The following WNT9B variants were observed in gnomAD, a reference collection of about 807,000 sequenced individuals.
WNT9B encodes the protein protein Wnt-9b.
WNT9B carries 12 observed loss-of-function variants against 30.2 expected under a neutral mutation model. That is an observed-to-expected ratio of 0.40 (90% CI 0.26 to 0.64). The LOEUF is 0.64. Ranked by LOEUF, WNT9B falls within the 30% of genes least tolerant of loss-of-function variation. WNT9B has a pLI of 0.42. For missense variants in WNT9B, 442 were observed against 485.2 expected (o/e 0.91, Z 0.84); for synonymous variants, 218 against 216.9 (o/e 1.01, Z -0.05).
chr17:46,878,568 T>G lies in WNT9B; in HGVS notation c.*1850T>G, dbSNP rs966005747. Among the ~76,000 whole-genome samples, 6 of 152,088 alleles carry G rather than the reference T, an allele frequency of 3.9e-5. No individual in the cohort carries two copies. The highest frequency in any genetic ancestry group is 1.5e-5 in the Non-Finnish European group (1 of 68,008). On this transcript the variant is annotated 3_prime_UTR_variant, in exon 4 of 4. Transcript: ENST00000290015. ...AGCAGGAGAAAAATGGGGAGAGGGC[T>G]GGTTTTCTCCTTTCTTCCACTTCCC...
intron 1 of WNT9B, among the ~76,000 whole-genome samples, chr17:46,863,874 C>T (rs1168187555): frequency 1.3e-5 from 2 of 152,090 alleles, no homozygotes; most frequent in African/African-American, 4.8e-5. Flanking sequence ...CAGGGGGTGT[C>T]CTGGACTACT....
chr17:46,852,389 A>AGTGTGT (rs61138160), intron 1 of WNT9B, among the ~76,000 whole-genome samples: 1,389 of 105,340 alleles, frequency 0.013, 18 homozygotes, highest in Middle Eastern at 0.029. Flanking sequence ...GAGAGGGCCC[A>AGTGTGT]GTGTGTGTGT....
chr17:46,845,628 C>T (rs1197379588), intron 1 of WNT9B, among the ~76,000 whole-genome samples: 1 of 150,910 alleles, frequency 6.6e-6, no homozygotes, highest in Non-Finnish European at 1.5e-5. Flanking sequence ...TAGCTGGGGA[C>T]TACAGGTGCC....
Position 46,877,059 on chromosome 17 carries a change from T to C in WNT9B, c.*341T>C. The C allele has an allele frequency of 9.0e-7, 1 of 1,111,886 alleles. No homozygotes were observed. The highest frequency in any genetic ancestry group is 1.6e-5 in the African/African-American group (1 of 61,804). The allele number at this position is 1,111,886 out of a possible 1,614,324, so 68.9% of individuals were successfully genotyped here. On this transcript the variant is annotated 3_prime_UTR_variant, in exon 4 of 4. Transcript: ENST00000290015. ...TGGACGGGAGAGAGGGGCTATTCCATCTTGCTTCCTGGGATGAATGGCTTG... is the reference window on the plus strand; with the variant it reads ...TGGACGGGAGAGAGGGGCTATTCCACCTTGCTTCCTGGGATGAATGGCTTG...
chr17:46,864,388 C>T (rs1191160671), intron 1 of WNT9B, among the ~76,000 whole-genome samples: 2 of 152,210 alleles, frequency 1.3e-5, no homozygotes, highest in Admixed American at 6.5e-5. Context: ...TTTGAACTTC[C>T]CTCTATCTAG....
chr17:46,843,270 C>A (rs1247323591), intron 1 of WNT9B, among the ~76,000 whole-genome samples: 1 of 152,242 alleles, frequency 6.6e-6, no homozygotes. Flanking sequence ...ACTTTTTCAA[C>A]CTCCTCTCAC....
At chr17:46,854,173 A>G (rs1271059149) in intron 1 of WNT9B, among the ~76,000 whole-genome samples, 1 of 152,162 alleles carries the variant, frequency 6.6e-6, no homozygotes, top group Non-Finnish European at 1.5e-5. Flanking sequence ...GTCTCAGGGA[A>G]CAGACAGGAT....
rs571662389 is a variant in WNT9B at position 46,879,153 on chromosome 17, A to G, written c.*2435A>G. Among the ~76,000 whole-genome samples, 161 of 152,358 alleles carry G rather than the reference A, an allele frequency of 1.1e-3. 1 individual carries two copies. The highest frequency in any genetic ancestry group is 2.9e-3 in the South Asian group (14 of 4,832). On this transcript the variant is annotated 3_prime_UTR_variant, in exon 4 of 4. Coordinates refer to ENST00000290015, the MANE Select transcript of WNT9B (RefSeq NM_003396.3). Reference sequence around the variant, plus strand: ...CTAAGATATATGAGAAAGTATTTATATTATTTATATAGTTGCTATATTTCA... The same window carrying G: ...CTAAGATATATGAGAAAGTATTTATGTTATTTATATAGTTGCTATATTTCA...
At chr17:46,873,086 TCACACACACACACACACACA>T (rs61118325) in intron 2 of WNT9B, among the ~76,000 whole-genome samples, 17 of 139,820 alleles carry the variant, frequency 1.2e-4, no homozygotes, top group African/African-American at 3.5e-4. Context: ...CTCTGCCTCT[TCACACACACACACACACACA>T]CACACACACA....
intron 1 of WNT9B, among the ~76,000 whole-genome samples, chr17:46,834,394 GGCGC>G (rs2084598576): frequency 6.6e-6 from 1 of 152,080 alleles, no homozygotes; most frequent in African/African-American, 2.4e-5. Flanking sequence ...TGCTGGGGAG[GGCGC>G]GCATTAGGAG....
chr17:46,859,757 C>T (rs138648372), intron 1 of WNT9B, among the ~76,000 whole-genome samples: 1,714 of 152,238 alleles, frequency 0.011, 16 homozygotes, highest in Admixed American at 0.023. Flanking sequence ...ACTGGGATTG[C>T]ATTGAATCTA....
chr17:46,872,540 C>T lies in WNT9B; in HGVS notation c.101C>T (p.Thr34Met), dbSNP rs770672150. 13 of 1,559,208 alleles carry T rather than the reference C, an allele frequency of 8.3e-6. No homozygotes were observed. The highest frequency in any genetic ancestry group is 8.1e-5 in the African/African-American group (6 of 73,630). The stretch of plus-strand genomic sequence containing the variant: ...AGCCTGACCGGGCGGGAAGTCCTGA[C>T]GCCCTTCCCAGGATTGGGCACTGCG... ...YFGLTGREVL[T>M]PFPGLGTAAA... The change falls in exon 2 of 4, where the codon ACG (threonine) becomes ATG (methionine). Residue 34 changes from threonine (T) to methionine (M), a missense_variant. By Grantham distance (81) the Thr-to-Met change is moderately conservative. Coordinates refer to ENST00000290015, the MANE Select transcript of WNT9B (RefSeq NM_003396.3).
At chr17:46,865,413 G>C (rs148371973) in intron 1 of WNT9B, among the ~76,000 whole-genome samples, 1,723 of 152,262 alleles carry the variant, frequency 0.011, 35 homozygotes, top group African/African-American at 0.04. Context: ...AGTCAGGGAT[G>C]GGTGGGGGAC....
chr17:46,855,815 C>T (rs2084928630), intron 1 of WNT9B, among the ~76,000 whole-genome samples: 1 of 152,128 alleles, frequency 6.6e-6, no homozygotes, highest in Non-Finnish European at 1.5e-5. Flanking sequence ...TCTCCTGCCT[C>T]AGCTTCCCCA....
At position 46,876,510 on chromosome 17, in the gene WNT9B, G is replaced by A. The variant is rs754714809; in HGVS notation, c.866G>A (p.Ser289Asn). 8.1e-6 allele frequency: 13 copies of A among 1,613,538 alleles called. No homozygotes were observed. In the African/African-American group the frequency reaches 1.5e-4, roughly 18 times the overall value. The change falls in exon 4 of 4, where the codon AGC becomes AAC. Residue 289 changes from serine to asparagine, a missense_variant. Transcript: ENST00000290015. ...GDLVYMEDSP[S>N]FCRPSKYSPG... ...CTGGTGTACATGGAGGACTCACCCA[G>A]CTTCTGCCGGCCCAGCAAGTACTCA...
downstream of WNT9B, among the ~76,000 whole-genome samples, chr17:46,884,231 C>T (rs2085461889): frequency 6.6e-6 from 1 of 152,212 alleles, no homozygotes; most frequent in Admixed American, 6.5e-5. Flanking sequence ...GCCCTCCGAG[C>T]CCGGGGTCAC....
chr17:46,839,704 C>T (rs2084676922), intron 1 of WNT9B, among the ~76,000 whole-genome samples: 1 of 152,092 alleles, frequency 6.6e-6, no homozygotes, highest in African/African-American at 2.4e-5. Flanking sequence ...CAAGAGGCCC[C>T]AGTGTGTGAT....
At position 46,877,883 on chromosome 17, in the gene WNT9B, A is replaced by G. The variant is rs1331791529; in HGVS notation, c.*1165A>G. On this transcript the variant is annotated 3_prime_UTR_variant, in exon 4 of 4. Coordinates refer to ENST00000290015, the MANE Select transcript of WNT9B (RefSeq NM_003396.3). Reference sequence around the variant, plus strand: ...GCCTGGCTCCTGGGTAGCCTCCTTCAGTTCCTAATGGCCTCTCACTTGGCC... The same window carrying G: ...GCCTGGCTCCTGGGTAGCCTCCTTCGGTTCCTAATGGCCTCTCACTTGGCC... Among the ~76,000 whole-genome samples the G allele has an allele frequency of 6.6e-6, 1 of 152,162 alleles. No homozygotes were observed. Among genetic ancestry groups the G allele is most frequent in the Non-Finnish European group, 1.5e-5 (1 of 68,032 alleles).
intron 1 of WNT9B, among the ~76,000 whole-genome samples, chr17:46,870,233 C>T (rs2085215974): frequency 6.6e-6 from 1 of 152,182 alleles, no homozygotes; most frequent in Non-Finnish European, 1.5e-5. Flanking sequence ...AGTCGCCACT[C>T]ACACCAGCCC....
Sources: allele counts gnomAD v4.1 joint callset (sites outside exome capture counted in the v4.1 genomes callset), GRCh38; gene constraint gnomAD v4.1.1; transcripts MANE v1.5; gene names NCBI Gene and HGNC (gene_info 2026-07-23, HGNC 2026-07-21).